Variants in ABTB3 observed in about 807,000 individuals in gnomAD.
ABTB3 encodes the protein ankyrin repeat- and BTB/POZ domain-containing protein 3.
the ABTB3 span, among the ~76,000 whole-genome samples, chr12:107,480,991 T>G: frequency 3.9e-4 from 59 of 152,300 alleles, no homozygotes; most frequent in African/African-American, 1.3e-3. Flanking sequence ...AAGTGTTCTC[T>G]GGGCAGTCAG....
At chr12:107,637,860 T>C in the ABTB3 span, among the ~76,000 whole-genome samples, 2 of 149,640 alleles carry the variant, frequency 1.3e-5, no homozygotes, top group Admixed American at 1.3e-4. Context: ...GCCCTCCCAA[T>C]GAATTCTGGG....
At chr12:107,649,799 C>T in the ABTB3 span, 1 of 155,898 alleles carries the variant, frequency 6.4e-6, no homozygotes, top group Admixed American at 6.3e-5. Flanking sequence ...ATCCCACAGT[C>T]ATGAAGCCCA....
chr12:107,653,063 C>T, the ABTB3 span, among the ~76,000 whole-genome samples: 6 of 152,252 alleles, frequency 3.9e-5, no homozygotes, highest in East Asian at 9.7e-4. Flanking sequence ...CATGAGCCAT[C>T]GCACCCAGCC....
chr12:107,517,143 G>A, the ABTB3 span, among the ~76,000 whole-genome samples: 18 of 152,074 alleles, frequency 1.2e-4, no homozygotes, highest in Admixed American at 8.5e-4. Context: ...CCCATTTCTT[G>A]TTTTTGTCAG....
the ABTB3 span, among the ~76,000 whole-genome samples, chr12:107,511,166 G>T: frequency 6.6e-6 from 1 of 152,078 alleles, no homozygotes; most frequent in Non-Finnish European, 1.5e-5. Flanking sequence ...CCTAGGCCAG[G>T]CCCAAAAGAA....
At chr12:107,648,337 C>T in the ABTB3 span, among the ~76,000 whole-genome samples, 1 of 149,758 alleles carries the variant, frequency 6.7e-6, no homozygotes, top group Non-Finnish European at 1.5e-5. Flanking sequence ...GCCAAGATCG[C>T]GCCACTGCAC....
chr12:107,439,916 G>A, the ABTB3 span, among the ~76,000 whole-genome samples: 1 of 152,160 alleles, frequency 6.6e-6, no homozygotes. Flanking sequence ...CAACCTGCTG[G>A]TATTAATTCC....
chr12:107,560,673 C>T, the ABTB3 span, among the ~76,000 whole-genome samples: 1 of 152,158 alleles, frequency 6.6e-6, no homozygotes, highest in Non-Finnish European at 1.5e-5. Flanking sequence ...AAACTGAAAC[C>T]AGAGGGCTGC....
At chr12:107,414,701 CCT>C in the ABTB3 span, among the ~76,000 whole-genome samples, 4 of 151,524 alleles carry the variant, frequency 2.6e-5, no homozygotes, top group Admixed American at 6.6e-5. Flanking sequence ...ACCATCCCCC[CCT>C]TTCTTTTCTT....
chr12:107,474,983 C>T, the ABTB3 span, among the ~76,000 whole-genome samples: 1 of 152,172 alleles, frequency 6.6e-6, no homozygotes, highest in Admixed American at 6.5e-5. Flanking sequence ...GCTCTCCTGA[C>T]TCCCAGGCCC....
At chr12:107,432,809 C>T in the ABTB3 span, among the ~76,000 whole-genome samples, 1 of 152,114 alleles carries the variant, frequency 6.6e-6, no homozygotes, top group Non-Finnish European at 1.5e-5. Context: ...CAGTTATAGA[C>T]ATTTTATAAC....
the ABTB3 span, among the ~76,000 whole-genome samples, chr12:107,638,569 C>T: frequency 3.0e-4 from 45 of 152,174 alleles, no homozygotes; most frequent in Non-Finnish European, 5.7e-4. Context: ...GAAGGTTCCC[C>T]GGGTCCTCGG....
chr12:107,472,773 G>A, the ABTB3 span, among the ~76,000 whole-genome samples: 3 of 152,284 alleles, frequency 2.0e-5, no homozygotes, highest in East Asian at 5.8e-4. Flanking sequence ...ATGGTCACTG[G>A]AGGAGCTCAC....
At chr12:107,430,586 TATCC>T in the ABTB3 span, among the ~76,000 whole-genome samples, 4 of 152,206 alleles carry the variant, frequency 2.6e-5, no homozygotes, top group African/African-American at 9.7e-5. Flanking sequence ...TCCATCTGTC[TATCC>T]ATCCGTCCGT....
the ABTB3 span, among the ~76,000 whole-genome samples, chr12:107,594,084 A>G: frequency 6.6e-6 from 1 of 152,208 alleles, no homozygotes; most frequent in Non-Finnish European, 1.5e-5. Flanking sequence ...GGGATGCATT[A>G]AGGGCTTGCA....
At chr12:107,402,551 A>G in the ABTB3 span, among the ~76,000 whole-genome samples, 1 of 152,296 alleles carries the variant, frequency 6.6e-6, no homozygotes, top group East Asian at 1.9e-4. Context: ...AGCCACGGCT[A>G]CTGGCCTGCA....
the ABTB3 span, among the ~76,000 whole-genome samples, chr12:107,445,073 T>C: frequency 3.9e-5 from 6 of 152,186 alleles, no homozygotes; most frequent in South Asian, 2.1e-4. Context: ...TGGGGCCCCA[T>C]CTTCCTTAAA....
At chr12:107,633,091 T>C in the ABTB3 span, among the ~76,000 whole-genome samples, 1 of 152,236 alleles carries the variant, frequency 6.6e-6, no homozygotes, top group African/African-American at 2.4e-5. Flanking sequence ...GGTCAACTCA[T>C]GAGGAACTGC....
the ABTB3 span, among the ~76,000 whole-genome samples, chr12:107,476,221 G>A: frequency 6.6e-5 from 10 of 152,296 alleles, no homozygotes; most frequent in Admixed American, 5.2e-4. Context: ...GCTTCCTGGG[G>A]CACAGTGAAA....
Sources: allele counts gnomAD v4.1 joint callset (sites outside exome capture counted in the v4.1 genomes callset), GRCh38; gene constraint gnomAD v4.1.1; transcripts MANE v1.5; gene names NCBI Gene and HGNC (gene_info 2026-07-23, HGNC 2026-07-21).